The following GREB1L variants were observed in gnomAD, a reference collection of about 807,000 sequenced individuals.
The protein encoded by GREB1L is GREB1-like protein.
A neutral mutation model predicts 200.8 loss-of-function variants in GREB1L; 17 were observed. The observed-to-expected ratio is 0.08, with a 90% CI of 0.06 to 0.13. The LOEUF (loss-of-function observed/expected upper bound fraction) is 0.13, where lower values mean the gene tolerates loss of function less well. Ranked by LOEUF, GREB1L falls within the 10% of genes least tolerant of loss-of-function variation. GREB1L has a pLI of 1.00. For synonymous variants in GREB1L, 789 were observed against 893.0 expected (o/e 0.88, Z 2.08); for missense variants, 1,657 against 2,367.7 (o/e 0.70, Z 6.23).
Position 21,369,273 on chromosome 18 carries a change from A to G in GREB1L, c.-10+3137A>G, listed in dbSNP as rs556502816. Among the ~76,000 whole-genome samples, 5 of 152,288 alleles carry G rather than the reference A, an allele frequency of 3.3e-5. No individual in the cohort carries two copies. In the South Asian group the frequency reaches 8.3e-4, roughly 25 times the overall value. ...AAAGATGTGGTGAGCCACACTTTGG[A>G]AGCATTTCTGGTTATTTAATGTTTT... On this transcript the variant is annotated intron_variant, in intron 2 of 32. Transcript: ENST00000424526.
rs78547449 is a variant in GREB1L at position 21,423,582 on chromosome 18, G to A, written c.833-15939G>A. Among the ~76,000 whole-genome samples the A allele has an allele frequency of 3.9e-4, 60 of 152,322 alleles. 1 individual carries two copies. The East Asian group carries it at 0.011, about 28-fold the overall frequency. On this transcript the variant is annotated intron_variant, in intron 7 of 32. Transcript: ENST00000424526. ...TTCTGAAGAATGGGAGGCTCAGACC[G>A]GGCGCGTTCACTCATGCCTGTAATC... is the stretch of plus-strand genomic sequence containing the variant.
At chr18:21,457,630 T>C (rs2034830131) in intron 15 of GREB1L, among the ~76,000 whole-genome samples, 1 of 152,228 alleles carries the variant, frequency 6.6e-6, no homozygotes, top group Non-Finnish European at 1.5e-5. Context: ...CATGAACATC[T>C]TTTGTGAGCA....
At chr18:21,295,906 T>C (rs533696059) in intron 1 of GREB1L, among the ~76,000 whole-genome samples, 168 of 152,282 alleles carry the variant, frequency 1.1e-3, no homozygotes, top group Non-Finnish European at 2.1e-3. Flanking sequence ...CACTTCTCTA[T>C]TACTAAAAAG....
At chr18:21,342,094 C>A (rs2145156355) in intron 1 of GREB1L, among the ~76,000 whole-genome samples, 1 of 152,098 alleles carries the variant, frequency 6.6e-6, no homozygotes, top group East Asian at 1.9e-4. Context: ...TTATTGGAAC[C>A]ATTTTTGCCT....
intron 1 of GREB1L, among the ~76,000 whole-genome samples, chr18:21,313,523 A>G (rs1195068218): frequency 6.6e-6 from 1 of 152,198 alleles, no homozygotes; most frequent in Non-Finnish European, 1.5e-5. Flanking sequence ...TGCCCAGCTA[A>G]TGAGGGGCAA....
chr18:21,405,079 T>C (rs2144592934), intron 7 of GREB1L, among the ~76,000 whole-genome samples: 1 of 152,324 alleles, frequency 6.6e-6, no homozygotes, highest in Middle Eastern at 3.4e-3. Flanking sequence ...TCTTGCTATG[T>C]GCCTGTACTC....
intron 1 of GREB1L, among the ~76,000 whole-genome samples, chr18:21,275,545 C>T (rs1471237552): frequency 2.4e-4 from 37 of 151,752 alleles, no homozygotes; most frequent in Non-Finnish European, 4.6e-4. Context: ...CCCAGCTACT[C>T]GGGAGGCTGA....
intron 2 of GREB1L, among the ~76,000 whole-genome samples, chr18:21,378,939 A>G (rs1315282671): frequency 6.6e-6 from 1 of 150,670 alleles, no homozygotes; most frequent in Non-Finnish European, 1.5e-5. Context: ...GCACAATCAT[A>G]GCTCACTGCA....
At chr18:21,361,861 G>A (rs1356532760) in intron 1 of GREB1L, among the ~76,000 whole-genome samples, 1 of 152,110 alleles carries the variant, frequency 6.6e-6, no homozygotes, top group Non-Finnish European at 1.5e-5. Flanking sequence ...CTTCTGCAGT[G>A]GAGCTGTCAT....
chr18:21,366,902 C>A (rs1044217537), intron 2 of GREB1L, among the ~76,000 whole-genome samples: 4 of 152,312 alleles, frequency 2.6e-5, no homozygotes, highest in African/African-American at 9.6e-5. Flanking sequence ...CACGCAGATA[C>A]TGAAACCCAG....
chr18:21,271,004 G>A lies in GREB1L; in HGVS notation c.-120+28611G>A, dbSNP rs9959551. Among the ~76,000 whole-genome samples the A allele has an allele frequency of 5.9e-3, 893 of 152,232 alleles. 7 individuals are homozygous for A. The highest frequency in any genetic ancestry group is 0.021 in the African/African-American group (862 of 41,534). Reference sequence around the variant, plus strand: ...AGTTCACACAGTAAGTGCCAGAGCTGGGATTTGAATCCAGGCAGCCTGATT... The same window carrying A: ...AGTTCACACAGTAAGTGCCAGAGCTAGGATTTGAATCCAGGCAGCCTGATT... On this transcript the variant is annotated intron_variant, in intron 1 of 32. Transcript: ENST00000424526.
intron 7 of GREB1L, among the ~76,000 whole-genome samples, chr18:21,423,398 G>A (rs566078684): frequency 7.2e-5 from 11 of 152,214 alleles, no homozygotes; most frequent in African/African-American, 2.6e-4. Context: ...AGAGTTTAAG[G>A]GAAGGACTTA....
intron 1 of GREB1L, among the ~76,000 whole-genome samples, chr18:21,363,265 G>C (rs1443132629): frequency 9.8e-4 from 32 of 32,568 alleles, no homozygotes; most frequent in African/African-American, 1.4e-3. Flanking sequence ...GGCTCCCCCT[G>C]CCCCCACTCC....
In GREB1L at chr18:21,510,053, CA is replaced by C. The variant is rs76427857; in HGVS notation, c.4735+1473del. 1.6e-3 allele frequency among the ~76,000 whole-genome samples: 234 copies of C among 143,172 alleles called. 1 individual carries two copies. The South Asian group carries it at 0.037, about 23-fold the overall frequency. 93.9% of individuals were successfully genotyped at this position (143,172 alleles called of 152,430 possible). On this transcript the variant is annotated intron_variant, in intron 27 of 32. Transcript: ENST00000424526. ...TGAAACCCCATCTCTACTAAAAATA[CA>C]AAAAAAAAAATTAGCTGGGTGTGGT...
At chr18:21,398,301 G>C (rs1260290291) in intron 5 of GREB1L, among the ~76,000 whole-genome samples, 1 of 151,982 alleles carries the variant, frequency 6.6e-6, no homozygotes, top group Non-Finnish European at 1.5e-5. Flanking sequence ...GCATATAATG[G>C]GGCCATTAAC....
At chr18:21,454,229 G>A in intron 14 of GREB1L, 137 bp from the exon 15 acceptor site, 1 of 640,812 alleles carries the variant, frequency 1.6e-6, no homozygotes, top group Non-Finnish European at 2.7e-6. Flanking sequence ...TCAATAGAGA[G>A]TGCAAATAGC....
rs1267719374 is a variant in GREB1L at position 21,526,011 on chromosome 18, G to A, written c.*3190G>A. Among the ~76,000 whole-genome samples, 1 of 152,106 alleles carries A rather than the reference G, an allele frequency of 6.6e-6. No individual in the cohort carries two copies. The highest frequency in any genetic ancestry group is 2.1e-4 in the South Asian group (1 of 4,830). On this transcript the variant is annotated 3_prime_UTR_variant, in exon 33 of 33. Coordinates refer to ENST00000424526, the MANE Select transcript of GREB1L (RefSeq NM_001142966.3). ...CTATACATTCCAAAGCAGCTGCCTT[G>A]AAAAGACTATTAATTAACTGTGAAA...
intron 1 of GREB1L, among the ~76,000 whole-genome samples, chr18:21,255,866 G>A (rs1342962467): frequency 2.6e-5 from 4 of 152,274 alleles, no homozygotes; most frequent in East Asian, 1.9e-4. Context: ...AAAATAGGGT[G>A]CATAGTAAAT....
At chr18:21,244,991 C>T (rs1252276561) in intron 1 of GREB1L, among the ~76,000 whole-genome samples, 2 of 152,114 alleles carry the variant, frequency 1.3e-5, no homozygotes, top group Non-Finnish European at 2.9e-5. Context: ...TCCCTTATAG[C>T]TAAGATATTT....
Sources: allele counts gnomAD v4.1 joint callset (sites outside exome capture counted in the v4.1 genomes callset), GRCh38; gene constraint gnomAD v4.1.1; transcripts MANE v1.5; gene names NCBI Gene and HGNC (gene_info 2026-07-23, HGNC 2026-07-21).